The following SMCO2 variants were observed in gnomAD, a reference collection of about 807,000 sequenced individuals.
The protein encoded by SMCO2 is single-pass membrane protein with coiled-coil domains 2, also known as single-pass membrane and coiled-coil domain-containing protein 2.
SMCO2 carries 25 observed loss-of-function variants against 29.5 expected under a neutral mutation model. That is an observed-to-expected ratio of 0.85 (90% CI 0.62 to 1.18). The LOEUF (loss-of-function observed/expected upper bound fraction) is 1.18. Ranked by LOEUF, SMCO2 falls within the 50% of genes most tolerant of loss-of-function variation. The pLI is 0.00. For missense variants in SMCO2, 348 were observed against 344.5 expected (o/e 1.01, Z -0.08); for synonymous variants, 117 against 123.3 (o/e 0.95, Z 0.34).
intron 4 of SMCO2, among the ~76,000 whole-genome samples, chr12:27,481,824 G>A (rs1367948561): frequency 6.6e-6 from 1 of 152,068 alleles, no homozygotes; most frequent in East Asian, 1.9e-4. Flanking sequence ...GATGTCTTTA[G>A]CATCTGTATT....
the SMCO2 span, among the ~76,000 whole-genome samples, chr12:27,427,545 G>A: frequency 2.0e-5 from 3 of 152,178 alleles, no homozygotes; most frequent in Admixed American, 6.5e-5. Flanking sequence ...TTTGCCTTCC[G>A]TTTATAACAT....
the SMCO2 span, among the ~76,000 whole-genome samples, chr12:27,456,637 GTTTCTTCCTTTTTGTTT>G: frequency 6.6e-6 from 1 of 152,172 alleles, no homozygotes; most frequent in Admixed American, 6.5e-5. Context: ...ATTAAAATCA[GTTTCTTCCTTTTTGTTT>G]TTTCTTCCTT....
At position 27,495,695 on chromosome 12, in the gene SMCO2, G is replaced by C; in HGVS notation, c.523G>C (p.Val175Leu). ...TTTTTTTCAGGACCTTTGCAAGAAT[G>C]TGGAACTGCTGAGTGCAAAGCTAAG... The change falls in exon 7 of 8, where the codon GTG (valine) becomes CTG (leucine). Residue 175 changes from valine (V) to leucine (L), a missense_variant. Val to Leu is a conservative substitution (Grantham distance 32, BLOSUM62 1). Coordinates refer to ENST00000298876, the Ensembl canonical transcript of SMCO2. 3 of 1,473,614 alleles carry C rather than the reference G, an allele frequency of 2.0e-6. No individual in the cohort carries two copies. The South Asian group carries it at 4.1e-5, about 20-fold the overall frequency. 91.3% of individuals were successfully genotyped at this position (1,473,614 alleles called of 1,614,324 possible).
the SMCO2 span, among the ~76,000 whole-genome samples, chr12:27,437,841 C>T: frequency 2.0e-5 from 3 of 152,210 alleles, no homozygotes; most frequent in Admixed American, 1.3e-4. Flanking sequence ...CCCCTCAACA[C>T]CTCAGTCTGT....
chr12:27,459,489 A>C, the SMCO2 span, among the ~76,000 whole-genome samples: 1 of 152,142 alleles, frequency 6.6e-6, no homozygotes. Flanking sequence ...GATGGGAAGA[A>C]GGTGGGGATC....
the SMCO2 span, among the ~76,000 whole-genome samples, chr12:27,438,971 A>G: frequency 1.3e-5 from 2 of 152,112 alleles, no homozygotes; most frequent in African/African-American, 2.4e-5. Context: ...CATGAACCAC[A>G]TGGAAAATCC....
chr12:27,470,427 C>T (rs1949531277), intron 1 of SMCO2, among the ~76,000 whole-genome samples, 195 bp from the exon 2 acceptor site: 1 of 152,142 alleles, frequency 6.6e-6, no homozygotes, highest in Non-Finnish European at 1.5e-5. Flanking sequence ...GACAGCCACA[C>T]AGGTCTTTCT....
the SMCO2 span, among the ~76,000 whole-genome samples, chr12:27,443,690 A>G: frequency 6.6e-6 from 1 of 152,338 alleles, no homozygotes; most frequent in Non-Finnish European, 1.5e-5. Context: ...CAACATACAA[A>G]AATCAATAGT....
chr12:27,475,588 G>C lies in SMCO2; in HGVS notation c.362+675G>C, dbSNP rs77197438. 1.3e-3 allele frequency: 2,032 copies of C among 1,534,412 alleles called. 37 individuals are homozygous for C. In the African/African-American group the frequency reaches 0.025, roughly 19 times the overall value. Reference sequence around the variant, plus strand: ...CACCATAATATTTCCGCAGGTGTCTGAAGGGCATGTTCCTCAAGCTAAACT... The same window carrying C: ...CACCATAATATTTCCGCAGGTGTCTCAAGGGCATGTTCCTCAAGCTAAACT... On this transcript the variant is annotated intron_variant, in intron 4 of 7. Coordinates refer to ENST00000298876, the Ensembl canonical transcript of SMCO2.
rs1238661708 is a variant in SMCO2, at chr12:27,475,747, TG to T, written c.362+838del. The T allele has an allele frequency of 3.4e-6, 5 of 1,489,182 alleles. No individual in the cohort carries two copies. Among genetic ancestry groups the T allele is most frequent in the South Asian group, 2.8e-5 (2 of 71,982 alleles). The allele number at this position is 1,489,182 out of a possible 1,614,324, so 92.2% of individuals were successfully genotyped here. Reference sequence around the variant, plus strand: ...CAGTGAAGAGGTAATTGTAGGGTGTTGGGGTTGGTCATAAAATAGCAGAAAG... The same window carrying T: ...CAGTGAAGAGGTAATTGTAGGGTGTTGGGTTGGTCATAAAATAGCAGAAAG... On this transcript the variant is annotated intron_variant, in intron 4 of 7. Transcript: ENST00000298876.
the SMCO2 span, among the ~76,000 whole-genome samples, chr12:27,435,822 C>G: frequency 6.6e-6 from 1 of 152,172 alleles, no homozygotes; most frequent in Non-Finnish European, 1.5e-5. Context: ...GGTCTCCCAC[C>G]AATGAGCCTC....
At chr12:27,464,889 C>T (rs1230581100), upstream of SMCO2, among the ~76,000 whole-genome samples, 3 of 148,822 alleles carry the variant, frequency 2.0e-5, no homozygotes, top group Admixed American at 6.7e-5. Flanking sequence ...ATTAGCCGGG[C>T]ATGGTGGCGG....
intron 5 of SMCO2, 50 bp downstream of exon 6, chr12:27,488,597 T>C: frequency 1.5e-6 from 2 of 1,356,082 alleles, no homozygotes; most frequent in South Asian, 1.5e-5. Context: ...TTCTGTCACT[T>C]CTTTCCCTAC....
the SMCO2 span, among the ~76,000 whole-genome samples, chr12:27,437,234 G>A: frequency 2.0e-4 from 30 of 152,188 alleles, no homozygotes; most frequent in South Asian, 6.2e-4. Flanking sequence ...TGGTGCTACC[G>A]TACTCCAGCC....
intron 7 of SMCO2, among the ~76,000 whole-genome samples, chr12:27,500,531 T>G (rs894070680): frequency 6.6e-6 from 1 of 150,930 alleles, no homozygotes; most frequent in Admixed American, 6.6e-5. Context: ...TTCCAAAAAC[T>G]TAATGTTAAA....
At chr12:27,489,806 G>T (rs776010911) in intron 5 of SMCO2, among the ~76,000 whole-genome samples, 10 of 152,110 alleles carry the variant, frequency 6.6e-5, no homozygotes, top group Non-Finnish European at 1.3e-4. Context: ...AGAGGACAAA[G>T]GCCAAGAAAT....
intron 1 of SMCO2, among the ~76,000 whole-genome samples, chr12:27,469,980 C>A (rs1949527883): frequency 6.6e-6 from 1 of 152,230 alleles, no homozygotes; most frequent in South Asian, 2.1e-4. Flanking sequence ...TCTGGTCAAA[C>A]TCCTTTGAAC....
chr12:27,429,352 C>T, the SMCO2 span, among the ~76,000 whole-genome samples: 1 of 151,262 alleles, frequency 6.6e-6, no homozygotes, highest in African/African-American at 2.4e-5. Flanking sequence ...TTTTCAAGGC[C>T]TTTATATTCT....
chr12:27,479,386 C>G (rs1949620670), intron 4 of SMCO2, among the ~76,000 whole-genome samples: 1 of 152,156 alleles, frequency 6.6e-6, no homozygotes, highest in Admixed American at 6.5e-5. Context: ...GTGGGCCAGT[C>G]CCCAGGCCTC....
Sources: gnomAD v4.1 joint callset for allele counts (sites outside exome capture counted in the v4.1 genomes callset) on GRCh38, gnomAD v4.1.1 for gene constraint, MANE v1.5 for transcripts, NCBI Gene and HGNC (gene_info 2026-07-23, HGNC 2026-07-21) for gene names.